Variants in CATSPERG observed in about 807,000 individuals in gnomAD.
The protein encoded by CATSPERG is cation channel sperm-associated auxiliary subunit gamma.
In CATSPERG, 115 loss-of-function variants were observed where a neutral mutation model predicts 145.0. The observed-to-expected ratio is 0.79, with a 90% CI of 0.68 to 0.93. CATSPERG has a LOEUF of 0.93. CATSPERG is among the 40% of genes least tolerant of loss of function. The pLI is 0.00. For missense variants in CATSPERG, 1,296 were observed against 1,490.1 expected (o/e 0.87, Z 2.14); for synonymous variants, 588 against 589.0 (o/e 1.00, Z 0.02).
At chr19:38,366,985 C>T in intron 22 of CATSPERG, 171 bp from the exon 23 acceptor site, 1 of 629,196 alleles carries the variant, frequency 1.6e-6, no homozygotes, top group South Asian at 2.1e-5. Flanking sequence ...TGAGCCACTG[C>T]ACCAGGCCGT....
chr19:38,336,090 AGGGCG>A, intron 1 of CATSPERG: 1 of 389,834 alleles, frequency 2.6e-6, no homozygotes, highest in Non-Finnish European at 5.2e-6. Flanking sequence ...TGAAGGGCGA[AGGGCG>A]GGGCGGGGCA....
intron 7 of CATSPERG, among the ~76,000 whole-genome samples, chr19:38,348,507 CTT>C (rs1448340078): frequency 7.8e-6 from 1 of 129,032 alleles, no homozygotes; most frequent in Non-Finnish European, 1.6e-5. Flanking sequence ...GAATTTCACT[CTT>C]GTTGCCCAGG....
Position 38,359,598 on chromosome 19 carries a change from C to A in CATSPERG, c.1608+17C>A. The A allele has an allele frequency of 1.2e-6, 2 of 1,605,320 alleles. No individual in the cohort carries two copies. Among genetic ancestry groups the A allele is most frequent in the Admixed American group, 1.7e-5 (1 of 59,432 alleles). On this transcript the variant is annotated intron_variant, in intron 14 of 28. Transcript: ENST00000409235. ...ACGGAGGAGGTGGGCTGCCCCGCCC[C>A]TCTCCCCGTTCCCTCTCTGCCCACC... is the stretch of plus-strand genomic sequence containing the variant.
chr19:38,362,673 T>A (rs369399041), intron 19 of CATSPERG, 41 bp from the exon 20 acceptor site: 1 of 1,605,120 alleles, frequency 6.2e-7, no homozygotes, highest in Admixed American at 1.7e-5. Flanking sequence ...GCGGGGCCTG[T>A]CTGTGAGGGA....
intron 28 of CATSPERG, 123 bp from the exon 29 acceptor site, chr19:38,370,403 A>C (rs1970526244): frequency 9.1e-6 from 13 of 1,425,688 alleles, no homozygotes; most frequent in Non-Finnish European, 1.3e-5. Context: ...CAGGCTGTCT[A>C]CTCATTCATT....
chr19:38,355,924 T>C (rs959582704), intron 9 of CATSPERG, among the ~76,000 whole-genome samples: 1 of 152,184 alleles, frequency 6.6e-6, no homozygotes, highest in African/African-American at 2.4e-5. Context: ...TCTCGATATG[T>C]AACTTGACCT....
chr19:38,368,019 C>T (rs1970485006), intron 25 of CATSPERG, 29 bp from the exon 26 acceptor site: 2 of 1,608,470 alleles, frequency 1.2e-6, no homozygotes, highest in African/African-American at 2.7e-5. Context: ...CCCCCCAACC[C>T]CTGGCTGAGA....
chr19:38,355,904 G>T (rs560284707), intron 9 of CATSPERG, among the ~76,000 whole-genome samples: 19 of 152,148 alleles, frequency 1.2e-4, no homozygotes, highest in South Asian at 8.3e-4. Context: ...TCACACCTTC[G>T]CTGTGTGCCT....
At chr19:38,355,228 C>T (rs1027293710) in intron 9 of CATSPERG, among the ~76,000 whole-genome samples, 37 of 151,846 alleles carry the variant, frequency 2.4e-4, no homozygotes, top group African/African-American at 8.2e-4. Flanking sequence ...GCCTGTAATC[C>T]CAGCTATTCA....
At chr19:38,356,406 A>G in intron 9 of CATSPERG, 78 bp from the exon 10 acceptor site, 1 of 1,307,282 alleles carries the variant, frequency 7.6e-7, no homozygotes, top group Non-Finnish European at 1.1e-6. Context: ...GGGCATAAGG[A>G]GGGCAATCGG....
In CATSPERG at chr19:38,362,418, G is replaced by A. The variant is rs374892753; in HGVS notation, c.2200G>A (p.Gly734Ser). ...FLASNWRSAGGVSIEMDSYEK... is the reference protein window; with the variant it reads ...FLASNWRSAGSVSIEMDSYEK... ...GGCGAGCAATTGGCGAAGCGCGGGC[G>A]GCGTGTCCATAGAAATGGACAGCTA... The change falls in exon 19 of 29, where the codon GGC becomes AGC. Residue 734 changes from glycine (G) to serine (S), a missense_variant. By Grantham distance (56) the Gly-to-Ser change is moderately conservative. Transcript: ENST00000409235. The A allele has an allele frequency of 3.1e-6, 5 of 1,614,022 alleles. No individual in the cohort carries two copies. The highest frequency in any genetic ancestry group is 1.1e-5 in the South Asian group (1 of 91,088).
chr19:38,362,182 C>G (rs761645175), intron 17 of CATSPERG, 28 bp from the exon 18 acceptor site: 1 of 1,565,346 alleles, frequency 6.4e-7, no homozygotes, highest in South Asian at 1.1e-5. Context: ...CTGCCCAATC[C>G]CTTCACGGTG....
rs955515824 is a variant in CATSPERG at position 38,344,211 on chromosome 19, A to G, written c.597-85A>G. On this transcript the variant is annotated intron_variant, in intron 5 of 28. Coordinates refer to ENST00000409235, the MANE Select transcript of CATSPERG (RefSeq NM_021185.5). Reference sequence around the variant, plus strand: ...GGAGCCAGTGGGAGATCCAAGGGAGAGAATGGGGAGAGGAGAGGCAGCTAC... The same window carrying G: ...GGAGCCAGTGGGAGATCCAAGGGAGGGAATGGGGAGAGGAGAGGCAGCTAC... 4 of 1,540,612 alleles carry G rather than the reference A, an allele frequency of 2.6e-6. No individual in the cohort carries two copies. In the African/African-American group the frequency reaches 5.5e-5, roughly 21 times the overall value.
intron 11 of CATSPERG, 49 bp downstream of exon 11, chr19:38,356,910 A>C: frequency 6.2e-7 from 1 of 1,605,044 alleles, no homozygotes; most frequent in Non-Finnish European, 8.5e-7. Flanking sequence ...AGGATCCCAG[A>C]CTGTGGACTG....
intron 3 of CATSPERG, 107 bp from the exon 4 acceptor site, chr19:38,343,473 T>A (rs1047273104): frequency 1.0e-6 from 1 of 1,003,352 alleles, no homozygotes; most frequent in Non-Finnish European, 1.4e-6. Flanking sequence ...GTGGACAGTG[T>A]GCTGCCCCCG....
rs899011185 is a variant in CATSPERG, at chr19:38,337,487, C to T, written c.253C>T (p.Pro85Ser). 1.9e-5 allele frequency: 30 copies of T among 1,551,974 alleles called. No homozygotes were observed. Among genetic ancestry groups the T allele is most frequent in the Non-Finnish European group, 2.4e-5 (27 of 1,147,106 alleles). ...SSLFHMLVDS[P>S]IDPSEKYLGF... ...CTTGTTTCACATGCTGGTGGACTCA[C>T]CCATCGACCCGAGCGAGGTGAGGGG... is the stretch of plus-strand genomic sequence containing the variant. Residue 85 changes from proline (P) to serine (S), a missense_variant, in exon 2 of 29, where the codon CCC becomes TCC. Coordinates refer to ENST00000409235, the MANE Select transcript of CATSPERG (RefSeq NM_021185.5).
intron 11 of CATSPERG, chr19:38,357,944 T>TC (rs2145094525): frequency 3.9e-6 from 1 of 253,928 alleles, no homozygotes; most frequent in African/African-American, 2.3e-5. Context: ...AGAGCGAGAC[T>TC]CCATCTCGAA....
chr19:38,370,385 C>T (rs560177010), intron 28 of CATSPERG, 127 bp downstream of exon 28: 2 of 1,391,936 alleles, frequency 1.4e-6, no homozygotes, highest in African/African-American at 1.4e-5. Context: ...TGAACGCCTG[C>T]CATGCCACAG....
intron 20 of CATSPERG, among the ~76,000 whole-genome samples, chr19:38,363,980 C>T (rs1246566250): frequency 1.3e-5 from 2 of 152,266 alleles, no homozygotes; most frequent in Non-Finnish European, 2.9e-5. Flanking sequence ...AGCTGTTGGG[C>T]ATACCTCCCA....
Sources: gnomAD v4.1 joint callset for allele counts (sites outside exome capture counted in the v4.1 genomes callset) on GRCh38, gnomAD v4.1.1 for gene constraint, MANE v1.5 for transcripts, NCBI Gene and HGNC (gene_info 2026-07-23, HGNC 2026-07-21) for gene names.